Variants in WDR33 observed in about 807,000 individuals in gnomAD.
WDR33 encodes the protein WD repeat domain 33.
Under a neutral mutation model 164.9 loss-of-function variants are expected in WDR33, and 47 were observed. The observed-to-expected ratio is 0.29, with a 90% CI of 0.23 to 0.36. The LOEUF (loss-of-function observed/expected upper bound fraction) is 0.36, where lower values mean the gene tolerates loss of function less well. Ranked by LOEUF, WDR33 falls within the 10% of genes least tolerant of loss-of-function variation. The probability of loss-of-function intolerance (pLI) is 1.00; values close to 1 mark genes in which losing one functional copy is unlikely to be tolerated. For missense variants in WDR33, 1,137 were observed against 1,754.1 expected (o/e 0.65, Z 6.28); for synonymous variants, 505 against 589.0 (o/e 0.86, Z 2.06).
At chr2:127,791,826 A>G (rs1688853950) in intron 1 of WDR33, among the ~76,000 whole-genome samples, 1 of 152,170 alleles carries the variant, frequency 6.6e-6, no homozygotes. Context: ...CATACCTACT[A>G]CAGTTTGGTA....
intron 1 of WDR33, among the ~76,000 whole-genome samples, chr2:127,775,423 A>G (rs1243989022): frequency 1.3e-5 from 2 of 152,192 alleles, no homozygotes; most frequent in African/African-American, 4.8e-5. Context: ...TCCTGACCTC[A>G]GGTGATCCAC....
intron 7 of WDR33, among the ~76,000 whole-genome samples, chr2:127,760,543 T>C (rs535322559): frequency 8.5e-5 from 13 of 152,304 alleles, no homozygotes; most frequent in African/African-American, 3.1e-4. Flanking sequence ...ACCAACCCTC[T>C]GACCCCACAA....
At chr2:127,715,354 G>A (rs1016948604) in intron 17 of WDR33, among the ~76,000 whole-genome samples, 2 of 152,076 alleles carry the variant, frequency 1.3e-5, no homozygotes, top group African/African-American at 4.8e-5. Context: ...AAAGTGCTGG[G>A]ATTACAGGCA....
At position 127,709,686 on chromosome 2, in the gene WDR33, C is replaced by T. The variant is rs752637693; in HGVS notation, c.3472+7G>A. 9 of 1,614,198 alleles carry T rather than the reference C, an allele frequency of 5.6e-6. No homozygotes were observed. The highest frequency in any genetic ancestry group is 3.3e-4 in the Middle Eastern group (2 of 6,062). On this transcript the variant is annotated splice_region_variant and intron_variant, in intron 19 of 21. Transcript: ENST00000322313. This position sits in a 1 kb window ranked among gnomAD's most constrained non-coding sequence, Gnocchi z 5.0. ...TCCAGACCAGGTGTCTTTAGTAACT[C>T]GCTCACCTCGTGGGGTACCCCGACC...
chr2:127,788,272 C>T (rs1394723478), intron 1 of WDR33, among the ~76,000 whole-genome samples: 1 of 117,218 alleles, frequency 8.5e-6, no homozygotes, highest in South Asian at 2.6e-4. Context: ...CCCTCCCGGA[C>T]AGGGCGGCCG....
intron 1 of WDR33, among the ~76,000 whole-genome samples, chr2:127,781,264 T>C (rs375940407): frequency 6.6e-6 from 1 of 152,216 alleles, no homozygotes; most frequent in African/African-American, 2.4e-5. Flanking sequence ...TTCATTTATA[T>C]GACATTCTTA....
At chr2:127,753,916 T>G (rs1398959850) in intron 7 of WDR33, among the ~76,000 whole-genome samples, 1 of 152,198 alleles carries the variant, frequency 6.6e-6, no homozygotes, top group East Asian at 1.9e-4. Context: ...AAGCCTAACC[T>G]ACCTAGTAAA....
rs1396063208 is a variant in WDR33 at position 127,724,450 on chromosome 2, C to T, written c.1086-7G>A. The T allele has an allele frequency of 5.6e-6, 9 of 1,611,902 alleles. No homozygotes were observed. The highest frequency in any genetic ancestry group is 7.6e-6 in the Non-Finnish European group (9 of 1,178,074). On this transcript the variant is annotated splice_polypyrimidine_tract_variant and splice_region_variant and intron_variant, in intron 10 of 21. Coordinates refer to ENST00000322313, the MANE Select transcript of WDR33 (RefSeq NM_018383.5). The surrounding 1 kb of genome is among the most constrained non-coding windows in gnomAD (Gnocchi z 4.8). ...ACCCACTTCCTTCTCTACCCTGCAA[C>T]AGCACCAAAGAGAGAAGATTTGTTC...
chr2:127,748,784 T>C (rs1687234127), intron 7 of WDR33, among the ~76,000 whole-genome samples: 1 of 151,742 alleles, frequency 6.6e-6, no homozygotes, highest in Non-Finnish European at 1.5e-5. Context: ...GGTCTCATTC[T>C]GTCACCCAGG....
At position 127,719,708 on chromosome 2, in the gene WDR33, G is replaced by T; in HGVS notation, c.2317C>A (p.Gln773Lys). The T allele has an allele frequency of 6.2e-7, 1 of 1,613,802 alleles. No homozygotes were observed. Residue 773 changes from glutamine (Q) to lysine (K), a missense_variant, in exon 16 of 22, where the codon CAG (glutamine) becomes AAG (lysine). Physicochemically the swap from Gln to Lys is moderately conservative, Grantham distance 53 (BLOSUM62 1). Around this residue, in one of 9 missense-constraint regions of WDR33, gnomAD observed 867 missense variants for 1,073.0 expected, o/e 0.81. Coordinates refer to ENST00000322313, the MANE Select transcript of WDR33 (RefSeq NM_018383.5). The surrounding 1 kb of genome is among the most constrained non-coding windows in gnomAD (Gnocchi z 6.5). ...GSQGIQGPVS[Q>K]GPLMGLNPRG... ...GGATTCAATCCCATCAGAGGTCCCT[G>T]AGACACAGGACCTTGGATCCCTTGA...
intron 17 of WDR33, among the ~76,000 whole-genome samples, chr2:127,715,505 A>G (rs1336120670): frequency 2.0e-5 from 3 of 152,144 alleles, no homozygotes; most frequent in African/African-American, 7.2e-5. Context: ...TCTCTCTTCC[A>G]GCTCTTTTCC....
At chr2:127,754,158 A>G (rs1312588724) in intron 7 of WDR33, among the ~76,000 whole-genome samples, 3 of 152,230 alleles carry the variant, frequency 2.0e-5, no homozygotes, top group African/African-American at 7.2e-5. Flanking sequence ...AATAGTGTTA[A>G]TAACATTATC....
rs1208232700 is a variant in WDR33 at position 127,710,381 on chromosome 2, C to T, written c.3309-525G>A. ...AGAAAAATGGGGGCACAGATCGTGTCTGCCAACCATACTGGACCTGTCTGT... is the reference window on the plus strand; with the variant it reads ...AGAAAAATGGGGGCACAGATCGTGTTTGCCAACCATACTGGACCTGTCTGT... On this transcript the variant is annotated intron_variant, in intron 18 of 21. Coordinates refer to ENST00000322313, the MANE Select transcript of WDR33 (RefSeq NM_018383.5). The surrounding 1 kb of genome is among the most constrained non-coding windows in gnomAD (Gnocchi z 4.4). Among the ~76,000 whole-genome samples, 1 of 152,246 alleles carries T rather than the reference C, an allele frequency of 6.6e-6. No homozygotes were observed. Among genetic ancestry groups the T allele is most frequent in the Non-Finnish European group, 1.5e-5 (1 of 68,040 alleles).
At chr2:127,748,626 T>G (rs1687230937) in intron 7 of WDR33, among the ~76,000 whole-genome samples, 1 of 152,204 alleles carries the variant, frequency 6.6e-6, no homozygotes, top group African/African-American at 2.4e-5. Flanking sequence ...AAGGATCATT[T>G]CAATTGGCGG....
Position 127,706,439 on chromosome 2 carries a change from C to T in WDR33, c.3895G>A (p.Gly1299Ser), listed in dbSNP as rs376631566. 6.8e-5 allele frequency: 109 copies of T among 1,613,590 alleles called. No homozygotes were observed. The highest frequency in any genetic ancestry group is 3.3e-4 in the Middle Eastern group (2 of 6,060). ...HRDEPFGGPP[G>S]SGTPSRGGRS... is the part of the protein sequence containing the mutation. ...CCCCCTCGAGAAGGGGTGCCACTGC[C>T]TGGAGGGCCCCCAAAAGGTTCATCT... Residue 1299 changes from glycine to serine, a missense_variant, in exon 22 of 22, where the codon GGC (glycine) becomes AGC (serine). Transcript: ENST00000322313. The surrounding 1 kb of genome is among the most constrained non-coding windows in gnomAD (Gnocchi z 5.1).
chr2:127,790,767 A>C (rs1435281946), intron 1 of WDR33, among the ~76,000 whole-genome samples: 1 of 151,818 alleles, frequency 6.6e-6, no homozygotes, highest in Non-Finnish European at 1.5e-5. Context: ...CATGACCCAC[A>C]CCCAGCTTGA....
In WDR33 at chr2:127,723,837, G is replaced by A. The variant is rs1035641176; in HGVS notation, c.1197-490C>T. On this transcript the variant is annotated intron_variant, in intron 11 of 21. Coordinates refer to ENST00000322313, the MANE Select transcript of WDR33 (RefSeq NM_018383.5). The surrounding 1 kb of genome is among the most constrained non-coding windows in gnomAD (Gnocchi z 5.9). ...CATGCCTGTAATCCCAGCACCTTGG[G>A]AGGCTGAGGCAGGAGGATTGCCTAA... is the stretch of plus-strand genomic sequence containing the variant. Among the ~76,000 whole-genome samples the A allele has an allele frequency of 1.3e-5, 2 of 152,158 alleles. No individual in the cohort carries two copies. Among genetic ancestry groups the A allele is most frequent in the African/African-American group, 4.8e-5 (2 of 41,438 alleles).
rs186123509 is a variant in WDR33 at position 127,729,737 on chromosome 2, C to T, written c.725-2960G>A. On this transcript the variant is annotated intron_variant, in intron 7 of 21. Transcript: ENST00000322313. ...GTCTCAATCTCCTGGCCTCGTGATC[C>T]GCCCACCTCGGCCTCCCAAAGTGTT... Among the ~76,000 whole-genome samples the T allele has an allele frequency of 1.1e-4, 16 of 152,246 alleles. No individual in the cohort carries two copies. In the East Asian group the frequency reaches 2.7e-3, roughly 26 times the overall value.
chr2:127,779,268 G>C (rs1336950038), intron 1 of WDR33, among the ~76,000 whole-genome samples: 1 of 151,982 alleles, frequency 6.6e-6, no homozygotes, highest in Non-Finnish European at 1.5e-5. Context: ...AGGAGTTCGA[G>C]ACGAGCCTGG....
Sources: allele counts gnomAD v4.1 joint callset (sites outside exome capture counted in the v4.1 genomes callset), GRCh38; gene constraint gnomAD v4.1.1; regional missense constraint gnomAD v4.1.1; non-coding constraint Gnocchi (gnomAD v3.1); transcripts MANE v1.5; gene names NCBI Gene and HGNC (gene_info 2026-07-23, HGNC 2026-07-21).